TAFA2: variants seen among roughly 807,000 people sequenced by gnomAD.
TAFA2 encodes the protein chemokine-like protein TAFA-2.
TAFA2 carries 7 observed loss-of-function variants against 18.8 expected under a neutral mutation model. The observed-to-expected ratio is 0.37, with a 90% CI of 0.21 to 0.70. TAFA2 has a LOEUF of 0.70. TAFA2 is among the 30% of genes least tolerant of loss of function. The pLI is 0.53. For synonymous variants in TAFA2, 60 were observed against 54.2 expected, an observed-to-expected ratio of 1.11 and a Z score of -0.47; for missense variants, 122 against 158.1, an observed-to-expected ratio of 0.77 and a Z score of 1.23.
chr12:61,770,208 A>G (rs1431958442), intron 2 of TAFA2, among the ~76,000 whole-genome samples: 1 of 152,046 alleles, frequency 6.6e-6, no homozygotes, highest in Non-Finnish European at 1.5e-5. Context: ...AAAGAATAAA[A>G]AAATTAATAA....
At position 61,742,897 on chromosome 12, in the gene TAFA2, C is replaced by A. The variant is rs56319740; in HGVS notation, c.384+10725G>T. Among the ~76,000 whole-genome samples the A allele has an allele frequency of 4.3e-3, 648 of 152,130 alleles. 4 individuals carry two copies. Among genetic ancestry groups the A allele is most frequent in the African/African-American group, 0.015 (633 of 41,536 alleles). On this transcript the variant is annotated intron_variant, in intron 4 of 4. Transcript: ENST00000416284. ...ATCACCTCCCTACCTTACTTCAGGC[C>A]CATTAACTCATACCTCCTTCAATTC...
At chr12:62,257,478 T>G (rs1473318196) in intron 1 of TAFA2, among the ~76,000 whole-genome samples, 3 of 152,098 alleles carry the variant, frequency 2.0e-5, no homozygotes, top group Non-Finnish European at 4.4e-5. Context: ...GAACCTCTCT[T>G]AAAGGAATTG....
chr12:61,858,228 G>A (rs1038995447), intron 2 of TAFA2, among the ~76,000 whole-genome samples: 10 of 152,154 alleles, frequency 6.6e-5, no homozygotes, highest in African/African-American at 1.9e-4. Flanking sequence ...AGCTACAAGT[G>A]TCTGGTGATA....
At chr12:61,762,383 A>C (rs1383912334) in intron 2 of TAFA2, among the ~76,000 whole-genome samples, 1 of 146,664 alleles carries the variant, frequency 6.8e-6, no homozygotes, top group Non-Finnish European at 1.5e-5. Context: ...CTCTAAAGCA[A>C]GTTTATTCCT....
chr12:62,215,610 G>A (rs1404846718), intron 1 of TAFA2, among the ~76,000 whole-genome samples: 1 of 125,810 alleles, frequency 7.9e-6, no homozygotes, highest in Admixed American at 8.2e-5. Flanking sequence ...TCTTGCTTAA[G>A]AGAAACAACT....
intron 2 of TAFA2, among the ~76,000 whole-genome samples, chr12:61,864,451 G>A (rs1874263576): frequency 6.7e-6 from 1 of 149,604 alleles, no homozygotes; most frequent in Non-Finnish European, 1.5e-5. Flanking sequence ...AACTATATAT[G>A]TAGTAAGATA....
intron 1 of TAFA2, among the ~76,000 whole-genome samples, chr12:62,225,079 G>A (rs1053754232): frequency 2.0e-5 from 3 of 151,968 alleles, no homozygotes; most frequent in Admixed American, 2.0e-4. Context: ...GGGCGACAGA[G>A]TGAGACTCCG....
intron 1 of TAFA2, among the ~76,000 whole-genome samples, chr12:61,894,295 T>C (rs914969320): frequency 2.0e-5 from 3 of 152,186 alleles, no homozygotes; most frequent in African/African-American, 7.2e-5. Flanking sequence ...ATATAAAAGT[T>C]TTGCTAATAC....
intron 1 of TAFA2, chr12:61,880,041 C>T (rs1472227797): frequency 2.8e-5 from 20 of 707,332 alleles, no homozygotes; most frequent in Admixed American, 3.6e-5. Context: ...TCCCTGATCT[C>T]GGACACGTCT....
chr12:62,207,403 C>T (rs766643399), intron 1 of TAFA2, among the ~76,000 whole-genome samples: 10 of 152,010 alleles, frequency 6.6e-5, no homozygotes, highest in Non-Finnish European at 1.2e-4. Flanking sequence ...TACTAGAGTC[C>T]CAAGTGGTTT....
At chr12:61,945,926 T>A (rs1393314099) in intron 1 of TAFA2, among the ~76,000 whole-genome samples, 12 of 149,622 alleles carry the variant, frequency 8.0e-5, no homozygotes, top group African/African-American at 3.0e-4. Context: ...AAACTACCAA[T>A]GACTTTCTTC....
intron 2 of TAFA2, among the ~76,000 whole-genome samples, chr12:61,764,428 C>A (rs1869700007): frequency 6.6e-6 from 1 of 151,798 alleles, no homozygotes; most frequent in Non-Finnish European, 1.5e-5. Context: ...TAGTGCAGAC[C>A]AAGTGCTTTC....
chr12:61,841,505 G>A (rs192598705), intron 2 of TAFA2, among the ~76,000 whole-genome samples: 24 of 152,092 alleles, frequency 1.6e-4, no homozygotes, highest in Middle Eastern at 3.4e-3. Flanking sequence ...TGGTCTATAC[G>A]TCTGTTTTTA....
At chr12:61,926,040 A>T (rs1244196398) in intron 1 of TAFA2, among the ~76,000 whole-genome samples, 1 of 152,242 alleles carries the variant, frequency 6.6e-6, no homozygotes, top group Non-Finnish European at 1.5e-5. Flanking sequence ...TCCCACAGAA[A>T]TACAAACTAC....
chr12:61,791,846 T>C (rs1184867305), intron 2 of TAFA2, among the ~76,000 whole-genome samples: 4 of 151,690 alleles, frequency 2.6e-5, no homozygotes, highest in Non-Finnish European at 4.4e-5. Flanking sequence ...TACTATATGA[T>C]CCAGTAATCC....
chr12:62,035,215 A>G (rs1032496023), intron 1 of TAFA2, among the ~76,000 whole-genome samples: 1 of 152,186 alleles, frequency 6.6e-6, no homozygotes, highest in African/African-American at 2.4e-5. Context: ...AGAGAGATTT[A>G]TTGAGTGACT....
In TAFA2 at chr12:61,885,599, T is replaced by G. The variant is rs180917989; in HGVS notation, c.-1-18173A>C. ...TGTGTCCTCCACCTCAGTTCACCTT[T>G]GCTGTTTGCCTGATTCTGGACTAAC... On this transcript the variant is annotated intron_variant, in intron 1 of 4. Coordinates refer to ENST00000416284, the MANE Select transcript of TAFA2 (RefSeq NM_178539.5). 1.4e-3 allele frequency among the ~76,000 whole-genome samples: 219 copies of G among 152,358 alleles called. 3 individuals carry two copies. Among genetic ancestry groups the G allele is most frequent in the Admixed American group, 0.013 (205 of 15,308 alleles).
intron 1 of TAFA2, among the ~76,000 whole-genome samples, chr12:61,909,732 A>C (rs1052717493): frequency 1.3e-5 from 2 of 152,198 alleles, no homozygotes; most frequent in African/African-American, 4.8e-5. Flanking sequence ...GTCACATCTA[A>C]AGGCCTCTAG....
chr12:62,248,702 T>C (rs977200045), intron 1 of TAFA2, among the ~76,000 whole-genome samples: 2 of 152,180 alleles, frequency 1.3e-5, no homozygotes, highest in Non-Finnish European at 2.9e-5. Context: ...TTCCACTCCA[T>C]TTACTTTATT....
Sources: allele counts gnomAD v4.1 joint callset (sites outside exome capture counted in the v4.1 genomes callset), GRCh38; gene constraint gnomAD v4.1.1; transcripts MANE v1.5; gene names NCBI Gene and HGNC (gene_info 2026-07-23, HGNC 2026-07-21).